Variants in DGKH observed in about 807,000 individuals in gnomAD.
DGKH encodes the protein diacylglycerol kinase eta.
A neutral mutation model predicts 159.3 loss-of-function variants in DGKH; 90 were observed. That is an observed-to-expected ratio of 0.57 (90% CI 0.48 to 0.67). The LOEUF (loss-of-function observed/expected upper bound fraction) is 0.67. Among genes scored for constraint, DGKH ranks in the 30% least tolerant of loss-of-function variants. DGKH has a pLI of 0.00. For missense variants in DGKH, 1,181 were observed against 1,506.1 expected, an observed-to-expected ratio of 0.78 and a Z score of 3.57; for synonymous variants, 536 against 553.8, an observed-to-expected ratio of 0.97 and a Z score of 0.45.
At position 42,190,396 on chromosome 13, in the gene DGKH, C is replaced by T. The variant is rs747940907; in HGVS notation, c.1913-7C>T. 1.4e-5 allele frequency: 23 copies of T among 1,602,368 alleles called. No homozygotes were observed. Among genetic ancestry groups the T allele is most frequent in the African/African-American group, 2.7e-5 (2 of 74,244 alleles). On this transcript the variant is annotated splice_region_variant and splice_polypyrimidine_tract_variant and intron_variant, in intron 15 of 29. Transcript: ENST00000337343. ...ATCCAAACTATTTGTCTTCTTACTACCTGAAGTTATGGATGACCCGACAGT... is the reference window on the plus strand; with the variant it reads ...ATCCAAACTATTTGTCTTCTTACTATCTGAAGTTATGGATGACCCGACAGT...
At chr13:42,111,228 C>T (rs1044196072) in intron 1 of DGKH, among the ~76,000 whole-genome samples, 2 of 152,026 alleles carry the variant, frequency 1.3e-5, no homozygotes, top group Admixed American at 1.3e-4. Context: ...TAAGCCATTG[C>T]AAGGGACAAA....
chr13:42,197,111 A>G (rs1166410733), intron 17 of DGKH, among the ~76,000 whole-genome samples: 2 of 151,810 alleles, frequency 1.3e-5, no homozygotes, highest in Non-Finnish European at 2.9e-5. Context: ...TTAGCCAGGC[A>G]TGCTGGCTCA....
At chr13:42,120,471 A>G (rs931530784) in intron 1 of DGKH, among the ~76,000 whole-genome samples, 6 of 152,248 alleles carry the variant, frequency 3.9e-5, no homozygotes, top group Admixed American at 2.0e-4. Context: ...TTATATAATT[A>G]TTAACTACTG....
At chr13:42,083,608 G>C (rs1954250469) in intron 1 of DGKH, among the ~76,000 whole-genome samples, 1 of 152,154 alleles carries the variant, frequency 6.6e-6, no homozygotes, top group Admixed American at 6.5e-5. Context: ...TTTGGATGCG[G>C]GCTGAACTGG....
At chr13:42,146,736 G>T (rs1050834372) in intron 3 of DGKH, among the ~76,000 whole-genome samples, 1 of 152,218 alleles carries the variant, frequency 6.6e-6, no homozygotes. Flanking sequence ...CCTCAACAGA[G>T]CATATAGTTG....
intron 6 of DGKH, 34 bp downstream of exon 6, chr13:42,159,406 C>A: frequency 1.4e-6 from 2 of 1,392,080 alleles, no homozygotes; most frequent in Non-Finnish European, 2.0e-6. Flanking sequence ...TCTCTTCCCA[C>A]TAACTCCTCT....
chr13:42,041,328 C>T (rs1396996230), intron 1 of DGKH, among the ~76,000 whole-genome samples: 1 of 152,134 alleles, frequency 6.6e-6, no homozygotes, highest in African/African-American at 2.4e-5. Context: ...TGGTCGTCAC[C>T]TGGGCGCGCA....
At position 42,129,616 on chromosome 13, in the gene DGKH, C is replaced by A; in HGVS notation, c.368C>A (p.Ala123Asp). 1.2e-6 allele frequency: 2 copies of A among 1,612,288 alleles called. No individual in the cohort carries two copies. Among genetic ancestry groups the A allele is most frequent in the Non-Finnish European group, 1.7e-6 (2 of 1,179,092 alleles). The change falls in exon 3 of 30, where the codon GCT (alanine) becomes GAT (aspartate). Residue 123 changes from alanine to aspartate, a missense_variant. Ala to Asp is a moderately radical substitution (Grantham distance 126, BLOSUM62 -2). This residue lies in a region of DGKH where 369 missense variants were observed against 519.4 expected (regional missense o/e 0.71). Transcript: ENST00000337343. The stretch of plus-strand genomic sequence containing the variant: ...GTAGCTGAAGCAAGCACGAAAAATG[C>A]TAACAACAGCTTCACGGTATGGTTA... ...ASVAEASTKN[A>D]NNSFTIITPF... is the part of the protein sequence containing the mutation.
chr13:42,049,096 C>T, intron 1 of DGKH, 131 bp downstream of exon 1: 2 of 92,388 alleles, frequency 2.2e-5, no homozygotes, highest in African/African-American at 4.6e-5. Context: ...GCGGGGAAGG[C>T]GGGGAAGGCG....
At chr13:42,057,707 CA>C (rs1304465036) in intron 1 of DGKH, among the ~76,000 whole-genome samples, 2 of 152,150 alleles carry the variant, frequency 1.3e-5, no homozygotes, top group African/African-American at 2.4e-5. Context: ...CAAAAATATA[CA>C]AAAACCTCTG....
Position 42,238,901 on chromosome 13 carries a change from A to G in DGKH, c.*9713A>G, listed in dbSNP as rs1283693036. 2 of 152,098 alleles carry G rather than the reference A, an allele frequency of 1.3e-5. No individual in the cohort carries two copies. Among genetic ancestry groups the G allele is most frequent in the Non-Finnish European group, 2.9e-5 (2 of 68,002 alleles). 9.4% of individuals were successfully genotyped at this position (152,098 alleles called of 1,614,324 possible). A position where few individuals can be genotyped will look rare whatever the true frequency, so the allele number is the denominator to read the frequency against. On this transcript the variant is annotated 3_prime_UTR_variant, in exon 30 of 30. Transcript: ENST00000337343. ...CCTAAAGGTTTCTTTGCTAAATCTG[A>G]TATTTATTATAGTATAATATGATAA...
chr13:42,053,590 ATATATATGTATATATATAAC>A (rs1279688011), intron 1 of DGKH, among the ~76,000 whole-genome samples: 10 of 74,944 alleles, frequency 1.3e-4, no homozygotes, highest in East Asian at 3.0e-4. Context: ...ATATATAACT[ATATATATGTATATATATAAC>A]TATATATGTA....
Position 42,048,781 on chromosome 13 carries a change from G to T in DGKH, c.8G>T (p.Gly3Val). 1 of 1,301,228 alleles carries T rather than the reference G, an allele frequency of 7.7e-7. No individual in the cohort carries two copies. The highest frequency in any genetic ancestry group is 3.1e-5 in the East Asian group (1 of 31,804). 80.6% of individuals were successfully genotyped at this position (1,301,228 alleles called of 1,614,324 possible). Residue 3 changes from glycine to valine, a missense_variant, in exon 1 of 30, where the codon GGG (glycine) becomes GTG (valine). By Grantham distance (109) the Gly-to-Val change is moderately radical (BLOSUM62 -3). Coordinates refer to ENST00000337343, the MANE Select transcript of DGKH (RefSeq NM_178009.5). The surrounding 1 kb of genome is among the most constrained non-coding windows in gnomAD (Gnocchi z 6.7). MA[G>V]AGGQHHPPGA... is the part of the protein sequence containing the mutation. Reference sequence around the variant, plus strand: ...CCGCAGGAGTCGGAGAGGATGGCAGGGGCCGGAGGCCAGCACCACCCTCCG... The same window carrying T: ...CCGCAGGAGTCGGAGAGGATGGCAGTGGCCGGAGGCCAGCACCACCCTCCG...
rs749533854 is a variant in DGKH at position 42,127,620 on chromosome 13, A to T, written c.303+47A>T. On this transcript the variant is annotated intron_variant, in intron 2 of 29. Transcript: ENST00000337343. ...TTCAAGCAATTGAGGCTATGGATGG[A>T]TGTAAAATTTTGGTTCTGTAAGCTG... 3.9e-6 allele frequency: 6 copies of T among 1,552,788 alleles called. No individual in the cohort carries two copies. In the South Asian group the frequency reaches 6.8e-5, roughly 18 times the overall value.
Position 42,241,965 on chromosome 13 carries a change from T to G in DGKH, c.*12777T>G, listed in dbSNP as rs538316687. On this transcript the variant is annotated 3_prime_UTR_variant, in exon 30 of 30. Coordinates refer to ENST00000337343, the MANE Select transcript of DGKH (RefSeq NM_178009.5). ...GAAAAAAACCCGACTTGTATGTGTA[T>G]TCACAGTTTGATAGGCATATTTTGA... The G allele has an allele frequency of 6.6e-6, 1 of 152,248 alleles. No homozygotes were observed. The highest frequency in any genetic ancestry group is 1.5e-5 in the Non-Finnish European group (1 of 68,050). The allele number at this position is 152,248 out of a possible 1,614,324, so 9.4% of individuals were successfully genotyped here. A position where few individuals can be genotyped will look rare whatever the true frequency, so the allele number is the denominator to read the frequency against.
intron 12 of DGKH, among the ~76,000 whole-genome samples, 178 bp from the exon 13 acceptor site, chr13:42,177,957 C>T (rs889235779): frequency 5.3e-5 from 8 of 151,982 alleles, no homozygotes; most frequent in Admixed American, 2.6e-4. Flanking sequence ...TTCCAGAAAC[C>T]GAAAGCCTTT....
intron 1 of DGKH, among the ~76,000 whole-genome samples, chr13:42,091,413 C>G (rs1018310970): frequency 6.6e-6 from 1 of 152,094 alleles, no homozygotes; most frequent in Non-Finnish European, 1.5e-5. Flanking sequence ...AATCATATAT[C>G]TGATAAGCAG....
chr13:42,093,631 G>C lies in DGKH; in HGVS notation c.193-33832G>C, dbSNP rs145573452. On this transcript the variant is annotated intron_variant, in intron 1 of 29. Coordinates refer to ENST00000337343, the MANE Select transcript of DGKH (RefSeq NM_178009.5). The stretch of plus-strand genomic sequence containing the variant: ...GCAAGTGCCAATAAACAGACGAATG[G>C]GTAAAGAAAATGTGGTGTATACATA... Among the ~76,000 whole-genome samples the C allele has an allele frequency of 1.4e-3, 213 of 152,192 alleles. 1 individual carries two copies. The highest frequency in any genetic ancestry group is 4.8e-3 in the African/African-American group (201 of 41,526).
intron 11 of DGKH, among the ~76,000 whole-genome samples, chr13:42,173,081 C>T (rs966547482): frequency 1.3e-5 from 2 of 152,204 alleles, no homozygotes; most frequent in African/African-American, 2.4e-5. Flanking sequence ...AAGTGATCCT[C>T]CCTCCTCAGC....
Sources: allele counts gnomAD v4.1 joint callset (sites outside exome capture counted in the v4.1 genomes callset), GRCh38; gene constraint gnomAD v4.1.1; regional missense constraint gnomAD v4.1.1; non-coding constraint Gnocchi (gnomAD v3.1); transcripts MANE v1.5; gene names NCBI Gene and HGNC (gene_info 2026-07-23, HGNC 2026-07-21).